Variants in PLXNB1 observed in about 807,000 individuals in gnomAD.
The protein encoded by PLXNB1 is plexin-B1.
In PLXNB1, 106 loss-of-function variants were observed where a neutral mutation model predicts 209.4. That is an observed-to-expected ratio of 0.51 (90% CI 0.43 to 0.59). The LOEUF is 0.59. Ranked by LOEUF, PLXNB1 falls within the 20% of genes least tolerant of loss-of-function variation. The pLI is 0.00. For missense variants in PLXNB1, 2,357 were observed against 2,853.2 expected, an observed-to-expected ratio of 0.83 and a Z score of 3.96; for synonymous variants, 1,167 against 1,183.2, an observed-to-expected ratio of 0.99 and a Z score of 0.28.
At position 48,418,273 on chromosome 3, in the gene PLXNB1, T is replaced by C. The variant is rs1412729652; in HGVS notation, c.3140A>G (p.Glu1047Gly). Residue 1047 changes from glutamate to glycine, a missense_variant, in exon 15 of 38, where the codon GAG (glutamate) becomes GGG (glycine). By Grantham distance (98) the Glu-to-Gly change is moderately conservative. This residue lies in a region of PLXNB1 where 743 missense variants were observed against 896.2 expected (regional missense o/e 0.83). Coordinates refer to ENST00000296440, the MANE Select transcript of PLXNB1 (RefSeq NM_001130082.3). This position sits in a 1 kb window ranked among gnomAD's most constrained non-coding sequence, Gnocchi z 6.6. Reference protein sequence around the residue: ...PQYGCVWCEGERPRCVTREAC... With the variant: ...PQYGCVWCEGGRPRCVTREAC... Reference sequence around the variant, plus strand: ...CTCCCGGGTCACACAACGTGGACGCTCCCCCTCACACCACACACAGCCATA... The same window carrying C: ...CTCCCGGGTCACACAACGTGGACGCCCCCCCTCACACCACACACAGCCATA... The C allele has an allele frequency of 2.5e-6, 4 of 1,613,418 alleles. No individual in the cohort carries two copies. The highest frequency in any genetic ancestry group is 3.4e-6 in the Non-Finnish European group (4 of 1,179,974).
chr3:48,409,057 G>C lies in PLXNB1; in HGVS notation c.6087+272C>G, dbSNP rs754847919. Among the ~76,000 whole-genome samples the C allele has an allele frequency of 6.6e-6, 1 of 152,172 alleles. No homozygotes were observed. Among genetic ancestry groups the C allele is most frequent in the Non-Finnish European group, 1.5e-5 (1 of 68,022 alleles). ...GAGTGAGTCCTGACCAACTGGCCCT[G>C]GCCTACTGCCACGCCTGGCCAGCAT... On this transcript the variant is annotated intron_variant, in intron 34 of 37. Coordinates refer to ENST00000296440, the MANE Select transcript of PLXNB1 (RefSeq NM_001130082.3). This position sits in a 1 kb window ranked among gnomAD's most constrained non-coding sequence, Gnocchi z 5.8.
In PLXNB1 at chr3:48,413,656, C is replaced by T; in HGVS notation, c.4535+14G>A. On this transcript the variant is annotated intron_variant, in intron 23 of 37. Coordinates refer to ENST00000296440, the MANE Select transcript of PLXNB1 (RefSeq NM_001130082.3). The surrounding 1 kb of genome is among the most constrained non-coding windows in gnomAD (Gnocchi z 5.4). ...ACGACCTGCCCCAGCCCAGCCACATCTGGCTGCACCCACCTGTACATGAGG... is the reference window on the plus strand; with the variant it reads ...ACGACCTGCCCCAGCCCAGCCACATTTGGCTGCACCCACCTGTACATGAGG... The T allele has an allele frequency of 2.5e-6, 4 of 1,595,838 alleles. No homozygotes were observed. Among genetic ancestry groups the T allele is most frequent in the Non-Finnish European group, 3.4e-6 (4 of 1,166,372 alleles).
At position 48,415,256 on chromosome 3, in the gene PLXNB1, G is replaced by C; in HGVS notation, c.3886C>G (p.Pro1296Ala). ...RVTVVSRMLQ[P>A]SQGLGRRRRV... ...CGCCTCCGTCCAAGCCCCTGGCTGG[G>C]CTGCAGCATTCTCGAGACCACGGTC... The change falls in exon 20 of 38, where the codon CCC becomes GCC. Residue 1296 changes from proline (P) to alanine (A), a missense_variant. By Grantham distance (27) the Pro-to-Ala change is conservative. Coordinates refer to ENST00000296440, the MANE Select transcript of PLXNB1 (RefSeq NM_001130082.3). The surrounding 1 kb of genome is among the most constrained non-coding windows in gnomAD (Gnocchi z 5.0). 6.2e-7 allele frequency: 1 copy of C among 1,613,558 alleles called. No individual in the cohort carries two copies. The highest frequency in any genetic ancestry group is 2.2e-5 in the East Asian group (1 of 44,880).
rs371214649 is a variant in PLXNB1, at chr3:48,424,081, C to A, written c.531G>T (p.Val177=). ...FVGRGYTSRG[V]GGGIPPITTR... is the part of the protein sequence containing the mutation. ...TTGTGATGGGTGGAATGCCACCCCC[C>A]ACACCCCTGCTGGTGTATCCTCGCC... The change falls in exon 3 of 38, where the codon GTG becomes GTT. Residue 177 remains valine, a synonymous_variant. Transcript: ENST00000296440. 3 of 1,567,860 alleles carry A rather than the reference C, an allele frequency of 1.9e-6. No individual in the cohort carries two copies. Among genetic ancestry groups the A allele is most frequent in the East Asian group, 4.7e-5 (2 of 42,446 alleles).
rs367692279 is a variant in PLXNB1, at chr3:48,415,242, A to G, written c.3900T>C (p.Leu1300=). 3 of 1,613,510 alleles carry G rather than the reference A, an allele frequency of 1.9e-6. No individual in the cohort carries two copies. The highest frequency in any genetic ancestry group is 2.5e-6 in the Non-Finnish European group (3 of 1,180,012). The change falls in exon 20 of 38, where the codon CTT becomes CTC. Residue 1300 remains leucine (L), a synonymous_variant. Coordinates refer to ENST00000296440, the MANE Select transcript of PLXNB1 (RefSeq NM_001130082.3). The surrounding 1 kb of genome is among the most constrained non-coding windows in gnomAD (Gnocchi z 5.0). The part of the protein sequence containing the change: ...VSRMLQPSQG[L]GRRRRVVPET... The stretch of plus-strand genomic sequence containing the variant: ...CCGGGACCACGCGACGCCTCCGTCC[A>G]AGCCCCTGGCTGGGCTGCAGCATTC...
Position 48,422,767 on chromosome 3 carries a change from T to C in PLXNB1, c.1288A>G (p.Arg430Gly). ...FLGDSQGQLH[R>G]VYLGPGSDGH... is the part of the protein sequence containing the mutation. ...GCCAGTACTTCCTGTGGGCTCACCCTGTGCAGCTGCCCTTGACTATCACCC... is the reference window on the plus strand; with the variant it reads ...GCCAGTACTTCCTGTGGGCTCACCCCGTGCAGCTGCCCTTGACTATCACCC... The change falls in exon 4 of 38, where the codon AGG becomes GGG. Residue 430 changes from arginine (R) to glycine (G), a missense_variant and splice_region_variant. Transcript: ENST00000296440. The C allele has an allele frequency of 6.2e-7, 1 of 1,613,580 alleles. No individual in the cohort carries two copies. The highest frequency in any genetic ancestry group is 1.1e-5 in the South Asian group (1 of 91,006).
At position 48,411,398 on chromosome 3, in the gene PLXNB1, G is replaced by T. The variant is rs1169863374; in HGVS notation, c.5248-362C>A. 3.3e-5 allele frequency among the ~76,000 whole-genome samples: 5 copies of T among 152,220 alleles called. No individual in the cohort carries two copies. The highest frequency in any genetic ancestry group is 5.9e-5 in the Non-Finnish European group (4 of 68,036). On this transcript the variant is annotated intron_variant, in intron 28 of 37. Coordinates refer to ENST00000296440, the MANE Select transcript of PLXNB1 (RefSeq NM_001130082.3). The surrounding 1 kb of genome is among the most constrained non-coding windows in gnomAD (Gnocchi z 4.0). ...CGGGAGCAAATATTCCCACCTATCC[G>T]ACAGGGGAGGGGTTCAGCAGGCCTG...
Position 48,412,893 on chromosome 3 carries a change from T to C in PLXNB1, c.4703A>G (p.Tyr1568Cys), listed in dbSNP as rs1375935497. 1 of 1,613,824 alleles carries C rather than the reference T, an allele frequency of 6.2e-7. No homozygotes were observed. The highest frequency in any genetic ancestry group is 8.5e-7 in the Non-Finnish European group (1 of 1,179,996). ...LLGSGIPFLD[Y>C]KVYAERIFFP... is the part of the protein sequence containing the mutation. ...GAAGATCCTCTCCGCATACACCTTG[T>C]AGTCGAGGAAGGGGATGCCGCTGCC... is the stretch of plus-strand genomic sequence containing the variant. Residue 1568 changes from tyrosine to cysteine, a missense_variant, in exon 25 of 38, where the codon TAC (tyrosine) becomes TGC (cysteine). Tyr to Cys is a radical substitution (Grantham distance 194). Transcript: ENST00000296440.
Position 48,409,822 on chromosome 3 carries a change from G to C in PLXNB1, c.5778+83C>G, listed in dbSNP as rs1401154615. The C allele has an allele frequency of 1.9e-6, 3 of 1,574,244 alleles. No individual in the cohort carries two copies. The highest frequency in any genetic ancestry group is 2.3e-5 in the East Asian group (1 of 44,442). ...ACACCCCCCGGCACTGTGCCTGCAC[G>C]AGCCCCACACCACCCCCAAATCCCA... is the stretch of plus-strand genomic sequence containing the variant. On this transcript the variant is annotated intron_variant, in intron 32 of 37. Coordinates refer to ENST00000296440, the MANE Select transcript of PLXNB1 (RefSeq NM_001130082.3). The surrounding 1 kb of genome is among the most constrained non-coding windows in gnomAD (Gnocchi z 5.8).
Position 48,418,290 on chromosome 3 carries a change from A to T in PLXNB1, c.3123T>A (p.Cys1041Ter). 2 of 1,613,656 alleles carry T rather than the reference A, an allele frequency of 1.2e-6. No homozygotes were observed. The highest frequency in any genetic ancestry group is 1.7e-6 in the Non-Finnish European group (2 of 1,180,024). The change falls in exon 15 of 38, where the codon TGT becomes TGA. Residue 1041 changes from cysteine to a stop codon, truncating the protein, a stop_gained. Coordinates refer to ENST00000296440, the MANE Select transcript of PLXNB1 (RefSeq NM_001130082.3). LOFTEE classifies it high-confidence loss of function. This position sits in a 1 kb window ranked among gnomAD's most constrained non-coding sequence, Gnocchi z 6.6. ...RCQTAMPQYG[C>*]VWCEGERPRC... Reference sequence around the variant, plus strand: ...GTGGACGCTCCCCCTCACACCACACACAGCCATACTGGGGCATGGCAGTTT... The same window carrying T: ...GTGGACGCTCCCCCTCACACCACACTCAGCCATACTGGGGCATGGCAGTTT...
chr3:48,419,812 G>A lies in PLXNB1; in HGVS notation c.2474C>T (p.Ala825Val). 6.3e-7 allele frequency: 1 copy of A among 1,589,938 alleles called. No individual in the cohort carries two copies. The highest frequency in any genetic ancestry group is 8.6e-7 in the Non-Finnish European group (1 of 1,167,008). The change falls in exon 11 of 38, where the codon GCC becomes GTC. Residue 825 changes from alanine to valine, a missense_variant. Ala to Val is a moderately conservative substitution (Grantham distance 64, BLOSUM62 0). Transcript: ENST00000296440. The surrounding 1 kb of genome is among the most constrained non-coding windows in gnomAD (Gnocchi z 5.7). The part of the protein sequence containing the change: ...PLDLPPATVP[A>V]TTFPGAMGSV... ...GCCCATGGCCCCTGGGAAAGTGGTG[G>A]CAGGAACAGTGGCAGGGGGCAGGTC... is the stretch of plus-strand genomic sequence containing the variant.
chr3:48,404,403 A>C lies in PLXNB1; in HGVS notation c.*83T>G. The C allele has an allele frequency of 1.2e-6, 1 of 803,140 alleles. No homozygotes were observed. Among genetic ancestry groups the C allele is most frequent in the Non-Finnish European group, 2.1e-6 (1 of 485,740 alleles). 49.8% of individuals were successfully genotyped at this position (803,140 alleles called of 1,614,324 possible). A position where few individuals can be genotyped will look rare whatever the true frequency, so the allele number is the denominator to read the frequency against. On this transcript the variant is annotated 3_prime_UTR_variant, in exon 38 of 38. Transcript: ENST00000296440. ...ACTCTGCTTGTCAGTCACTACAGGC[A>C]CCTAAGAAGGTGGCCTCTCCTCCGA...
intron 10 of PLXNB1, 35 bp downstream of exon 10, chr3:48,420,630 C>T (rs775095984): frequency 1.3e-6 from 2 of 1,548,842 alleles, no homozygotes; most frequent in Admixed American, 3.3e-5. Context: ...GACCCCCAAC[C>T]CCCCCGGTAT....
chr3:48,404,482 G>A lies in PLXNB1; in HGVS notation c.*4C>T. 1 of 1,602,374 alleles carries A rather than the reference G, an allele frequency of 6.2e-7. No individual in the cohort carries two copies. The highest frequency in any genetic ancestry group is 8.5e-7 in the Non-Finnish European group (1 of 1,170,570). ...AGCAACAGCAGGCCGTGGCTCCTGG[G>A]TTCCTATAGATCTGTGACCTTGTTT... is the stretch of plus-strand genomic sequence containing the variant. On this transcript the variant is annotated 3_prime_UTR_variant, in exon 38 of 38. Coordinates refer to ENST00000296440, the MANE Select transcript of PLXNB1 (RefSeq NM_001130082.3).
rs2038269485 is a variant in PLXNB1, at chr3:48,418,638, G to A, written c.2956-96C>T. 4 of 1,130,004 alleles carry A rather than the reference G, an allele frequency of 3.5e-6. No individual in the cohort carries two copies. Among genetic ancestry groups the A allele is most frequent in the Non-Finnish European group, 3.9e-6 (3 of 768,838 alleles). The allele number at this position is 1,130,004 out of a possible 1,614,324, so 70.0% of individuals were successfully genotyped here. Reference sequence around the variant, plus strand: ...AGAAAGGACTAAAACGACCAGTTAGGAGCATAGGGTCAGAGGGACCCCATG... The same window carrying A: ...AGAAAGGACTAAAACGACCAGTTAGAAGCATAGGGTCAGAGGGACCCCATG... On this transcript the variant is annotated intron_variant, in intron 13 of 37. Transcript: ENST00000296440. The surrounding 1 kb of genome is among the most constrained non-coding windows in gnomAD (Gnocchi z 6.6).
At position 48,416,276 on chromosome 3, in the gene PLXNB1, A is replaced by C. The variant is rs2038093760; in HGVS notation, c.3480+70T>G. ...CTGGGAGCCCCACCAAGGAATAACC[A>C]GATGGGTTGAGAGGAGCCACCAGAG... is the stretch of plus-strand genomic sequence containing the variant. On this transcript the variant is annotated intron_variant, in intron 17 of 37. Coordinates refer to ENST00000296440, the MANE Select transcript of PLXNB1 (RefSeq NM_001130082.3). This position sits in a 1 kb window ranked among gnomAD's most constrained non-coding sequence, Gnocchi z 4.1. 1.3e-6 allele frequency: 2 copies of C among 1,551,720 alleles called. No individual in the cohort carries two copies. The highest frequency in any genetic ancestry group is 1.8e-6 in the Non-Finnish European group (2 of 1,130,846).
chr3:48,413,134 T>G lies in PLXNB1; in HGVS notation c.4571A>C (p.Lys1524Thr), dbSNP rs2037812110. 2 of 1,613,616 alleles carry G rather than the reference T, an allele frequency of 1.2e-6. No homozygotes were observed. Among genetic ancestry groups the G allele is most frequent in the Non-Finnish European group, 1.7e-6 (2 of 1,179,974 alleles). Residue 1524 changes from lysine (K) to threonine (T), a missense_variant, in exon 24 of 38, where the codon AAG becomes ACG. By Grantham distance (78) the Lys-to-Thr change is moderately conservative. This residue lies in a region of PLXNB1 where 743 missense variants were observed against 896.2 expected (regional missense o/e 0.83). Coordinates refer to ENST00000296440, the MANE Select transcript of PLXNB1 (RefSeq NM_001130082.3). This position sits in a 1 kb window ranked among gnomAD's most constrained non-coding sequence, Gnocchi z 5.4. ...KSKQALRDYK[K>T]VQIQLENLES... ...CAGATTCTCCAGCTGGATCTGAACC[T>G]TCTTATAGTCCCTCAGGGCCTGCTT...
chr3:48,417,881 C>T lies in PLXNB1; in HGVS notation c.3374+30G>A, dbSNP rs753643853. On this transcript the variant is annotated intron_variant, in intron 16 of 37. Transcript: ENST00000296440. This position sits in a 1 kb window ranked among gnomAD's most constrained non-coding sequence, Gnocchi z 4.4. ...CCAACCGCGGAGGCCCCAGGCTGCG[C>T]CGTGCTCCTGCTGGGTGCAGCCAGC... The T allele has an allele frequency of 5.7e-6, 9 of 1,590,252 alleles. No individual in the cohort carries two copies. Among genetic ancestry groups the T allele is most frequent in the Middle Eastern group, 2.0e-4 (1 of 5,030 alleles).
In PLXNB1 at chr3:48,410,612, T is replaced by C; in HGVS notation, c.5417-54A>G. On this transcript the variant is annotated intron_variant, in intron 29 of 37. Coordinates refer to ENST00000296440, the MANE Select transcript of PLXNB1 (RefSeq NM_001130082.3). The surrounding 1 kb of genome is among the most constrained non-coding windows in gnomAD (Gnocchi z 6.4). ...GGGCTGGAAGATACCCTTCCCATAG[T>C]GGAGCCCATCTCCTCCTCCACAGGG... The C allele has an allele frequency of 2.1e-6, 3 of 1,451,312 alleles. No homozygotes were observed. Among genetic ancestry groups the C allele is most frequent in the Non-Finnish European group, 2.9e-6 (3 of 1,035,640 alleles). The allele number at this position is 1,451,312 out of a possible 1,614,324, so 89.9% of individuals were successfully genotyped here.
Sources: allele counts gnomAD v4.1 joint callset (sites outside exome capture counted in the v4.1 genomes callset), GRCh38; gene constraint gnomAD v4.1.1; regional missense constraint gnomAD v4.1.1; non-coding constraint Gnocchi (gnomAD v3.1); transcripts MANE v1.5; gene names NCBI Gene and HGNC (gene_info 2026-07-23, HGNC 2026-07-21).